Variants in CUBN observed in about 807,000 individuals in gnomAD.
CUBN encodes 460 kDa receptor.
In CUBN, 282 loss-of-function variants were observed where a neutral mutation model predicts 405.3. The ratio of observed to expected loss-of-function variants is 0.70; its 90% CI spans 0.63 to 0.77. The LOEUF (loss-of-function observed/expected upper bound fraction) is 0.77. Ranked by LOEUF, CUBN falls within the 30% of genes least tolerant of loss-of-function variation. CUBN has a pLI of 0.00. For missense variants in CUBN, 4,514 were observed against 4,475.2 expected, an observed-to-expected ratio of 1.01 and a Z score of -0.25; for synonymous variants, 1,684 against 1,617.0, an observed-to-expected ratio of 1.04 and a Z score of -0.99.
intron 7 of CUBN, 36 bp downstream of exon 7, chr10:17,115,435 T>G (rs768188089): frequency 6.2e-7 from 1 of 1,612,574 alleles, no homozygotes; most frequent in South Asian, 1.1e-5. Context: ...TAACCATGGC[T>G]CTCTGCAAGG....
rs1219055456 is a variant in CUBN, at chr10:17,071,522, C to A, written c.2529G>T (p.Arg843Ser). The stretch of plus-strand genomic sequence containing the variant: ...GGCTTTGGGGCTGGTGGATGGTCCA[C>A]CTACAGGTTCTTTCTCCAGGATACA... Reference protein sequence around the residue: ...PNVYPGERTCRWTIHQPQSQV... With the variant: ...PNVYPGERTCSWTIHQPQSQV... Residue 843 changes from arginine (R) to serine (S), a missense_variant, in exon 19 of 67, where the codon AGG becomes AGT. By Grantham distance (110) the Arg-to-Ser change is moderately radical (BLOSUM62 -1). Coordinates refer to ENST00000377833, the MANE Select transcript of CUBN (RefSeq NM_001081.4). 1.2e-6 allele frequency: 2 copies of A among 1,613,926 alleles called. No individual in the cohort carries two copies. The highest frequency in any genetic ancestry group is 2.7e-5 in the African/African-American group (2 of 74,986).
chr10:17,092,330 TC>T (rs1836281912), intron 14 of CUBN, among the ~76,000 whole-genome samples: 1 of 152,076 alleles, frequency 6.6e-6, no homozygotes, highest in Non-Finnish European at 1.5e-5. Context: ...GGATTAAAGG[TC>T]CCCTTGTAAA....
At chr10:16,910,730 C>T (rs1191271726) in intron 48 of CUBN, among the ~76,000 whole-genome samples, 5 of 151,348 alleles carry the variant, frequency 3.3e-5, no homozygotes, top group Non-Finnish European at 5.9e-5. Flanking sequence ...CCCAAATGAG[C>T]AACACAAAAC....
chr10:16,854,592 T>C (rs902192415), intron 59 of CUBN, among the ~76,000 whole-genome samples: 2 of 152,124 alleles, frequency 1.3e-5, no homozygotes, highest in African/African-American at 4.8e-5. Context: ...TGGAGGTAGG[T>C]AGACAGGAAA....
intron 7 of CUBN, among the ~76,000 whole-genome samples, chr10:17,114,823 C>T (rs563240788): frequency 6.6e-5 from 10 of 152,262 alleles, no homozygotes; most frequent in African/African-American, 2.2e-4. Flanking sequence ...AGTCAGACTC[C>T]TTGAAACCAC....
chr10:16,891,890 C>G (rs2669151), intron 54 of CUBN, among the ~76,000 whole-genome samples: 71,046 of 151,058 alleles, frequency 0.47, 18,853 homozygotes, highest in Middle Eastern at 0.63. Flanking sequence ...GCTACACAAT[C>G]TGCAATACCC....
intron 56 of CUBN, 128 bp downstream of exon 56, chr10:16,888,289 G>A: frequency 1.3e-6 from 1 of 762,896 alleles, no homozygotes. Flanking sequence ...AAGTGAGTGA[G>A]CAGACATGTT....
rs368224687 is a variant in CUBN, at chr10:17,043,911, G to A, written c.3745C>T (p.Arg1249Cys). Residue 1249 changes from arginine (R) to cysteine (C), a missense_variant, in exon 26 of 67, where the codon CGT becomes TGT. Arg to Cys is a radical substitution (Grantham distance 180, BLOSUM62 -3). This residue lies in a region of CUBN where 242 missense variants were observed against 309.0 expected (regional missense o/e 0.78). Transcript: ENST00000377833. The stretch of plus-strand genomic sequence containing the variant: ...ATAAACATGCTGTCTCCACTAGAAC[G>A]AATAAGAGGGGGTTTCTCATCCCCA... Reference protein sequence around the residue: ...LCGDEKPPLIRSSGDSMFIKL... With the variant: ...LCGDEKPPLICSSGDSMFIKL... The A allele has an allele frequency of 1.1e-5, 17 of 1,613,436 alleles. No homozygotes were observed. The highest frequency in any genetic ancestry group is 2.7e-5 in the African/African-American group (2 of 74,808).
At chr10:16,985,181 G>A (rs1471496705) in intron 29 of CUBN, among the ~76,000 whole-genome samples, 1 of 152,218 alleles carries the variant, frequency 6.6e-6, no homozygotes, top group Non-Finnish European at 1.5e-5. Context: ...CTTTTGGCCT[G>A]CCACGTCCCC....
intron 60 of CUBN, among the ~76,000 whole-genome samples, chr10:16,842,850 C>T (rs1426656939): frequency 6.6e-6 from 1 of 152,214 alleles, no homozygotes; most frequent in Non-Finnish European, 1.5e-5. Flanking sequence ...AGCTGCACTT[C>T]CTTCATCCCA....
intron 17 of CUBN, among the ~76,000 whole-genome samples, chr10:17,080,338 T>C (rs1041061456): frequency 6.6e-6 from 1 of 152,208 alleles, no homozygotes. Context: ...GTCTAAAATA[T>C]GATGAATTAG....
At chr10:17,001,896 C>T (rs190182849) in intron 28 of CUBN, among the ~76,000 whole-genome samples, 3 of 152,236 alleles carry the variant, frequency 2.0e-5, no homozygotes, top group African/African-American at 7.2e-5. Flanking sequence ...AAATCAGGGA[C>T]AGAGTATATT....
chr10:17,117,929 T>C (rs916800211), intron 6 of CUBN, among the ~76,000 whole-genome samples: 5 of 152,340 alleles, frequency 3.3e-5, no homozygotes, highest in East Asian at 3.9e-4. Flanking sequence ...ATTATGGTCA[T>C]ATTGCAGTCT....
chr10:16,980,818 T>C (rs1459790181), intron 31 of CUBN, among the ~76,000 whole-genome samples: 2 of 151,930 alleles, frequency 1.3e-5, no homozygotes, highest in Non-Finnish European at 2.9e-5. Flanking sequence ...TCTACACATG[T>C]ATCCCAGAAC....
Position 17,103,124 on chromosome 10 carries a change from C to T in CUBN, c.1530+1G>A. 6.3e-7 allele frequency: 1 copy of T among 1,574,882 alleles called. No individual in the cohort carries two copies. Among genetic ancestry groups the T allele is most frequent in the Non-Finnish European group, 8.7e-7 (1 of 1,144,314 alleles). ...ATTTGGGCAAGAGTTACTACATTTA[C>T]CTTTCCCATTTCAGTTTTGATAACC... On this transcript the variant is annotated splice_donor_variant, in intron 13 of 66. Coordinates refer to ENST00000377833, the MANE Select transcript of CUBN (RefSeq NM_001081.4). LOFTEE classifies it high-confidence loss of function.
intron 60 of CUBN, among the ~76,000 whole-genome samples, chr10:16,846,919 TC>T (rs1429195676): frequency 2.0e-5 from 3 of 152,170 alleles, no homozygotes; most frequent in Non-Finnish European, 4.4e-5. Flanking sequence ...GTTCCATACT[TC>T]CTGGCAGAAA....
intron 16 of CUBN, among the ~76,000 whole-genome samples, chr10:17,084,742 CT>C (rs1181748549): frequency 6.6e-6 from 1 of 152,190 alleles, no homozygotes; most frequent in Admixed American, 6.5e-5. Flanking sequence ...CATTAATGCT[CT>C]GCTTCATTTC....
At chr10:17,012,358 C>T (rs1016175761) in intron 28 of CUBN, among the ~76,000 whole-genome samples, 3 of 152,020 alleles carry the variant, frequency 2.0e-5, no homozygotes, top group Non-Finnish European at 2.9e-5. Flanking sequence ...CGTGGCATCT[C>T]GTACTATCCC....
chr10:16,841,647 G>A (rs1588577049), intron 60 of CUBN, among the ~76,000 whole-genome samples: 1 of 152,146 alleles, frequency 6.6e-6, no homozygotes, highest in Non-Finnish European at 1.5e-5. Flanking sequence ...AACCAGGTGT[G>A]TTGCTGCTTC....
Sources: allele counts gnomAD v4.1 joint callset (sites outside exome capture counted in the v4.1 genomes callset), GRCh38; gene constraint gnomAD v4.1.1; regional missense constraint gnomAD v4.1.1; transcripts MANE v1.5; gene names NCBI Gene and HGNC (gene_info 2026-07-23, HGNC 2026-07-21).